Variants in RTKN2 observed in about 807,000 individuals in gnomAD.
RTKN2 encodes the protein rhotekin-2.
A neutral mutation model predicts 71.5 loss-of-function variants in RTKN2; 69 were observed. That is an observed-to-expected ratio of 0.96 (90% CI 0.79 to 1.18). RTKN2 has a LOEUF of 1.18. Ranked by LOEUF, RTKN2 falls within the 50% of genes most tolerant of loss-of-function variation. The probability of loss-of-function intolerance (pLI) is 0.00; values close to 1 mark genes in which losing one functional copy is unlikely to be tolerated. For missense variants in RTKN2, 724 were observed against 719.7 expected (o/e 1.01, Z -0.07); for synonymous variants, 236 against 236.5 (o/e 1.00, Z 0.02).
intron 6 of RTKN2, among the ~76,000 whole-genome samples, chr10:62,227,651 T>C (rs1386439447): frequency 6.6e-6 from 1 of 151,718 alleles, no homozygotes; most frequent in East Asian, 1.9e-4. Context: ...CCGAGCAGAG[T>C]CATGTGCTAT....
chr10:62,244,349 G>GAA (rs1842437895), intron 3 of RTKN2, among the ~76,000 whole-genome samples: 1 of 152,138 alleles, frequency 6.6e-6, no homozygotes, highest in Non-Finnish European at 1.5e-5. Context: ...AACACATGCA[G>GAA]AAATAAGTTC....
At chr10:62,192,035 CTATAT>C (rs770207510), downstream of RTKN2, among the ~76,000 whole-genome samples, 14 of 147,082 alleles carry the variant, frequency 9.5e-5, no homozygotes, top group East Asian at 1.9e-3. Flanking sequence ...ATAAACACAA[CTATAT>C]TATAAGGTTT....
In RTKN2 at chr10:62,268,448, G is replaced by A. The variant is rs184482517; in HGVS notation, c.60+103C>T. The A allele has an allele frequency of 1.4e-4, 154 of 1,099,056 alleles. No homozygotes were observed. In the African/African-American group the frequency reaches 2.1e-3, roughly 15 times the overall value. The allele number at this position is 1,099,056 out of a possible 1,614,324, so 68.1% of individuals were successfully genotyped here. A position where few individuals can be genotyped will look rare whatever the true frequency, so the allele number is the denominator to read the frequency against. ...TGTTTCTGGCCACCGCTGAAATAGAGGAGCGGGGGAGAGGCTTTCCCGACT... is the reference window on the plus strand; with the variant it reads ...TGTTTCTGGCCACCGCTGAAATAGAAGAGCGGGGGAGAGGCTTTCCCGACT... On this transcript the variant is annotated intron_variant, in intron 1 of 11. Transcript: ENST00000373789.
At chr10:62,261,145 A>G (rs1444825507) in intron 2 of RTKN2, among the ~76,000 whole-genome samples, 2 of 152,230 alleles carry the variant, frequency 1.3e-5, no homozygotes, top group Non-Finnish European at 2.9e-5. Flanking sequence ...TGCCTATCTG[A>G]AAAACATTTT....
chr10:62,251,960 T>C (rs1223719903), intron 2 of RTKN2, among the ~76,000 whole-genome samples: 5 of 151,682 alleles, frequency 3.3e-5, no homozygotes, highest in Admixed American at 3.3e-4. Flanking sequence ...AAATAAAGTA[T>C]TAAAAAAGAT....
rs1203718815 is a variant in RTKN2 at position 62,218,259 on chromosome 10, CA to C, written c.823del (p.Cys275AlafsTer3). 6.2e-7 allele frequency: 1 copy of C among 1,613,196 alleles called. No homozygotes were observed. The highest frequency in any genetic ancestry group is 1.1e-5 in the South Asian group (1 of 91,016). On this transcript the variant is annotated frameshift_variant, in exon 8 of 12. Transcript: ENST00000373789. LOFTEE classifies it high-confidence loss of function. ...ACAAGCTGGCTGGGCAACTAGTCGG[CA>C]GCACATGTTGCCATACAGGGGAAGC... ...FWLPLYGNMC[C>X]RLVAQPACMA...
intron 6 of RTKN2, among the ~76,000 whole-genome samples, chr10:62,224,785 T>G (rs1841985064): frequency 6.6e-6 from 1 of 151,930 alleles, no homozygotes; most frequent in Admixed American, 6.6e-5. Flanking sequence ...CAGGAAAACA[T>G]TCCAAGCAGA....
rs763205816 is a variant in RTKN2 at position 62,217,199 on chromosome 10, T to C, written c.939A>G (p.Arg313=). Residue 313 remains arginine, a synonymous_variant, in exon 9 of 12, where the codon CGA becomes CGG. Coordinates refer to ENST00000373789, the MANE Select transcript of RTKN2 (RefSeq NM_145307.4). Reference sequence around the variant, plus strand: ...TGTAAAAACAATAGAGTTTACCTCCTCGCAAAACACAATACAACCTTCTCC... The same window carrying C: ...TGTAAAAACAATAGAGTTTACCTCCCCGCAAAACACAATACAACCTTCTCC... ...ISWRRLYCVL[R]GGKLYCFYSP... The C allele has an allele frequency of 1.4e-5, 22 of 1,602,324 alleles. No individual in the cohort carries two copies. Among genetic ancestry groups the C allele is most frequent in the Admixed American group, 3.4e-5 (2 of 58,834 alleles).
chr10:62,198,092 A>C lies in RTKN2; in HGVS notation c.1646T>G (p.Met549Arg), dbSNP rs369036089. The part of the protein sequence containing the change: ...SSLDTKLSTL[M>R]HHLQKPMAAP... ...AGCCATTGGTTTCTGTAAGTGATGC[A>C]TTAGAGTTGATAGTTTGGTATCCAA... is the stretch of plus-strand genomic sequence containing the variant. The change falls in exon 12 of 12, where the codon ATG (methionine) becomes AGG (arginine). Residue 549 changes from methionine to arginine, a missense_variant. Met to Arg is a moderately conservative substitution (Grantham distance 91, BLOSUM62 -1). Transcript: ENST00000373789. The C allele has an allele frequency of 2.5e-6, 4 of 1,614,058 alleles. No homozygotes were observed. The highest frequency in any genetic ancestry group is 3.4e-6 in the Non-Finnish European group (4 of 1,180,004).
rs372747628 is a variant in RTKN2 at position 62,241,190 on chromosome 10, G to A, written c.322C>T (p.Arg108Ter). The part of the protein sequence containing the change: ...CKGKIAISDI[R>*]IPLMWKDSDH... The stretch of plus-strand genomic sequence containing the variant: ...GAGTCTTTCCACATTAGTGGTATTC[G>A]AATATCTATAAAGAAGGGAAAAAGA... Residue 108 changes from arginine (R) to a stop codon, truncating the protein, a stop_gained, in exon 4 of 12, where the codon CGA becomes TGA. Coordinates refer to ENST00000373789, the MANE Select transcript of RTKN2 (RefSeq NM_145307.4). LOFTEE classifies it high-confidence loss of function. 62 of 1,558,972 alleles carry A rather than the reference G, an allele frequency of 4.0e-5. No homozygotes were observed. The highest frequency in any genetic ancestry group is 6.8e-5 in the African/African-American group (5 of 73,240).
Position 62,196,303 on chromosome 10 carries a change from G to A in RTKN2, c.*1605C>T, listed in dbSNP as rs1344300979. 2.0e-6 allele frequency: 2 copies of A among 983,504 alleles called. No individual in the cohort carries two copies. The highest frequency in any genetic ancestry group is 1.7e-5 in the African/African-American group (1 of 57,282). The allele number at this position is 983,504 out of a possible 1,614,324, so 60.9% of individuals were successfully genotyped here. On this transcript the variant is annotated 3_prime_UTR_variant, in exon 12 of 12. Transcript: ENST00000373789. ...TTTACTTTTTAAGGTTTCCATACAT[G>A]TGATGATCTCTACATGCTATCAAGC...
chr10:62,196,236 A>G lies in RTKN2; in HGVS notation c.*1672T>C, dbSNP rs918224253. On this transcript the variant is annotated 3_prime_UTR_variant, in exon 12 of 12. Transcript: ENST00000373789. ...AATGTCATTTATTGAAATGGCAATC[A>G]TAACAGAAACTTATGAGAGCCTTCT... is the stretch of plus-strand genomic sequence containing the variant. The G allele has an allele frequency of 1.0e-6, 1 of 974,582 alleles. No homozygotes were observed. Among genetic ancestry groups the G allele is most frequent in the Non-Finnish European group, 1.2e-6 (1 of 820,224 alleles). The allele number at this position is 974,582 out of a possible 1,614,324, so 60.4% of individuals were successfully genotyped here.
rs780864549 is a variant in RTKN2, at chr10:62,268,633, C to T, written c.-23G>A. ...CATCTCCAACGCGAACTGTCCGGGC[C>T]GTCGCCACTCCTTCAAAGGGAAGAT... On this transcript the variant is annotated 5_prime_UTR_variant, in exon 1 of 12. Coordinates refer to ENST00000373789, the MANE Select transcript of RTKN2 (RefSeq NM_145307.4). The T allele has an allele frequency of 5.2e-6, 8 of 1,550,588 alleles. No individual in the cohort carries two copies. The highest frequency in any genetic ancestry group is 6.1e-6 in the Non-Finnish European group (7 of 1,147,004).
At chr10:62,266,479 T>G in intron 1 of RTKN2, among the ~76,000 whole-genome samples, 1 of 152,168 alleles carries the variant, frequency 6.6e-6, no homozygotes, top group Non-Finnish European at 1.5e-5. Context: ...TGTGTGGATT[T>G]TAAGAATTGT....
At chr10:62,216,384 T>C (rs1382338980) in intron 9 of RTKN2, among the ~76,000 whole-genome samples, 1 of 152,020 alleles carries the variant, frequency 6.6e-6, no homozygotes, top group Non-Finnish European at 1.5e-5. Context: ...ATGCAATTAT[T>C]TTAGAGTAGG....
At chr10:62,239,930 A>T (rs1842339027) in intron 4 of RTKN2, among the ~76,000 whole-genome samples, 165 bp from the exon 5 acceptor site, 1 of 152,138 alleles carries the variant, frequency 6.6e-6, no homozygotes. Context: ...AGTATATAGG[A>T]ATACCTTACT....
chr10:62,184,495 G>T, intron 8 of RTKN2: 1 of 582,536 alleles, frequency 1.7e-6, no homozygotes, highest in Non-Finnish European at 2.9e-6. Context: ...AAGATTGCAA[G>T]TTTCAGGAAA....
intron 2 of RTKN2, among the ~76,000 whole-genome samples, chr10:62,247,231 A>G (rs1842496617): frequency 6.6e-6 from 1 of 151,996 alleles, no homozygotes; most frequent in Non-Finnish European, 1.5e-5. Flanking sequence ...AAGACTGCCA[A>G]TATATTCATT....
chr10:62,253,666 C>A (rs1055234192), intron 2 of RTKN2, among the ~76,000 whole-genome samples: 1 of 151,916 alleles, frequency 6.6e-6, no homozygotes, highest in African/African-American at 2.4e-5. Flanking sequence ...AATTAAAATT[C>A]CTCTTTTGGT....
Sources: gnomAD v4.1 joint callset for allele counts (sites outside exome capture counted in the v4.1 genomes callset) on GRCh38, gnomAD v4.1.1 for gene constraint, MANE v1.5 for transcripts, NCBI Gene and HGNC (gene_info 2026-07-23, HGNC 2026-07-21) for gene names.